The following NEMP2 variants were observed in gnomAD, a reference collection of about 807,000 sequenced individuals.
NEMP2 encodes the protein UPF0571 transmembrane protein.
Under a neutral mutation model 54.2 loss-of-function variants are expected in NEMP2, and 53 were observed. The ratio of observed to expected loss-of-function variants is 0.98; its 90% confidence interval spans 0.78 to 1.23. NEMP2 has a LOEUF of 1.23. Among genes scored for constraint, NEMP2 ranks in the 50% most tolerant of loss-of-function variants. The probability of loss-of-function intolerance (pLI) is 0.00; values close to 1 mark genes in which losing one functional copy is unlikely to be tolerated. For missense variants in NEMP2, 455 were observed against 511.3 expected (o/e 0.89, Z 1.06); for synonymous variants, 197 against 190.3 (o/e 1.04, Z -0.29).
chr2:190,452,656 C>T, the NEMP2 span, among the ~76,000 whole-genome samples: 2 of 152,210 alleles, frequency 1.3e-5, no homozygotes, highest in Non-Finnish European at 2.9e-5. Context: ...TAGTCTTCCT[C>T]ATTTCTGCTT....
chr2:190,498,206 T>C, the NEMP2 span, among the ~76,000 whole-genome samples: 4 of 152,214 alleles, frequency 2.6e-5, no homozygotes, highest in African/African-American at 9.6e-5. This position sits in a 1 kb window ranked among gnomAD's most constrained non-coding sequence, Gnocchi z 5.9. Flanking sequence ...AAGTGTGATT[T>C]TTCTTGTCCC....
chr2:190,642,140 A>G, the NEMP2 span, among the ~76,000 whole-genome samples: 2 of 152,180 alleles, frequency 1.3e-5, no homozygotes, highest in Non-Finnish European at 2.9e-5. This position sits in a 1 kb window ranked among gnomAD's most constrained non-coding sequence, Gnocchi z 4.1. Flanking sequence ...AGTCTGTAAC[A>G]CTTGTATTTT....
the NEMP2 span, among the ~76,000 whole-genome samples, chr2:190,574,079 C>T: frequency 6.6e-6 from 1 of 152,124 alleles, no homozygotes; most frequent in Non-Finnish European, 1.5e-5. Flanking sequence ...TTTTCCTTGT[C>T]TTTGGAAGTT....
chr2:190,525,790 A>G lies in NEMP2; in HGVS notation c.98-412T>C, dbSNP rs1690911905. Among the ~76,000 whole-genome samples, 1 of 152,134 alleles carries G rather than the reference A, an allele frequency of 6.6e-6. No individual in the cohort carries two copies. The highest frequency in any genetic ancestry group is 6.5e-5 in the Admixed American group (1 of 15,280). The stretch of plus-strand genomic sequence containing the variant: ...GTACAGAATCATGAAAATGAGATAA[A>G]TTATGGAATTAATTCAGTTTAGAGA... On this transcript the variant is annotated intron_variant, in intron 1 of 8. Transcript: ENST00000409150. The surrounding 1 kb of genome is among the most constrained non-coding windows in gnomAD (Gnocchi z 5.0).
the NEMP2 span, among the ~76,000 whole-genome samples, chr2:190,587,636 T>C: frequency 6.6e-6 from 1 of 152,126 alleles, no homozygotes; most frequent in East Asian, 1.9e-4. The surrounding 1 kb of genome is among the most constrained non-coding windows in gnomAD (Gnocchi z 5.4). Flanking sequence ...AGCCTATTAA[T>C]AGGATTTGGG....
At chr2:190,429,317 A>G in the NEMP2 span, among the ~76,000 whole-genome samples, 1 of 151,070 alleles carries the variant, frequency 6.6e-6, no homozygotes. Context: ...ATGGTAGCTT[A>G]TGAACAGAAA....
At chr2:190,544,352 T>C in the NEMP2 span, among the ~76,000 whole-genome samples, 1 of 152,136 alleles carries the variant, frequency 6.6e-6, no homozygotes, top group South Asian at 2.1e-4. Context: ...TGATATTGTA[T>C]AGGATTAGAA....
the NEMP2 span, among the ~76,000 whole-genome samples, chr2:190,581,672 T>C: frequency 9.8e-5 from 15 of 152,300 alleles, no homozygotes; most frequent in Admixed American, 9.8e-4. Context: ...TTTTTTCCTA[T>C]AAAAACATAG....
the NEMP2 span, among the ~76,000 whole-genome samples, chr2:190,605,020 A>G: frequency 6.6e-6 from 1 of 152,118 alleles, no homozygotes; most frequent in African/African-American, 2.4e-5. Context: ...AGTCCTACAG[A>G]TTATTTCTCA....
chr2:190,584,096 T>C, the NEMP2 span, among the ~76,000 whole-genome samples: 1 of 152,264 alleles, frequency 6.6e-6, no homozygotes, highest in East Asian at 1.9e-4. This position sits in a 1 kb window ranked among gnomAD's most constrained non-coding sequence, Gnocchi z 4.2. Flanking sequence ...GTTAAACTTG[T>C]TAAAAGTGCA....
the NEMP2 span, chr2:190,436,396 G>A: frequency 1.9e-6 from 3 of 1,614,166 alleles, no homozygotes; most frequent in East Asian, 2.2e-5. This position sits in a 1 kb window ranked among gnomAD's most constrained non-coding sequence, Gnocchi z 5.3. Context: ...CTTTTGGGGT[G>A]TAGTTGCAGA....
At chr2:190,566,824 AGT>A in the NEMP2 span, among the ~76,000 whole-genome samples, 1 of 152,152 alleles carries the variant, frequency 6.6e-6, no homozygotes, top group African/African-American at 2.4e-5. Context: ...TCCCCAAAAA[AGT>A]TAAATATACA....
At chr2:190,544,201 T>C in the NEMP2 span, among the ~76,000 whole-genome samples, 1 of 152,164 alleles carries the variant, frequency 6.6e-6, no homozygotes, top group African/African-American at 2.4e-5. Context: ...AGAATAAAAA[T>C]AGAAGTTGAT....
At chr2:190,499,856 G>A, downstream of NEMP2, 1 of 1,548,764 alleles carries the variant, frequency 6.5e-7, no homozygotes, top group Non-Finnish European at 8.7e-7. The surrounding 1 kb of genome is among the most constrained non-coding windows in gnomAD (Gnocchi z 6.0). Flanking sequence ...GGAGATGAAA[G>A]GTAAGACATT....
At chr2:190,612,422 G>C in the NEMP2 span, among the ~76,000 whole-genome samples, 2 of 152,070 alleles carry the variant, frequency 1.3e-5, 1 homozygote, top group Non-Finnish European at 2.9e-5. Flanking sequence ...CCAAAGTGCT[G>C]GGATTACAGG....
At chr2:190,562,610 A>G in the NEMP2 span, among the ~76,000 whole-genome samples, 1 of 152,216 alleles carries the variant, frequency 6.6e-6, no homozygotes. The surrounding 1 kb of genome is among the most constrained non-coding windows in gnomAD (Gnocchi z 5.0). Context: ...CAGTTAATTC[A>G]TTCTGCAAAA....
the NEMP2 span, among the ~76,000 whole-genome samples, chr2:190,644,013 G>A: frequency 6.6e-6 from 1 of 152,108 alleles, no homozygotes; most frequent in Admixed American, 6.6e-5. The surrounding 1 kb of genome is among the most constrained non-coding windows in gnomAD (Gnocchi z 4.4). Flanking sequence ...GTATTTAAAA[G>A]GTATTTTGAG....
chr2:190,584,371 G>T, the NEMP2 span, among the ~76,000 whole-genome samples: 32 of 152,254 alleles, frequency 2.1e-4, no homozygotes, highest in South Asian at 6.2e-4. This position sits in a 1 kb window ranked among gnomAD's most constrained non-coding sequence, Gnocchi z 4.2. Context: ...CTGGAACCAG[G>T]TCATGGTCAA....
chr2:190,632,987 G>A, the NEMP2 span, among the ~76,000 whole-genome samples: 9 of 152,182 alleles, frequency 5.9e-5, no homozygotes, highest in South Asian at 1.0e-3. The surrounding 1 kb of genome is among the most constrained non-coding windows in gnomAD (Gnocchi z 4.8). Flanking sequence ...ATTTAGACAC[G>A]TTGCTGCTCT....
Sources: gnomAD v4.1 joint callset for allele counts (sites outside exome capture counted in the v4.1 genomes callset) on GRCh38, gnomAD v4.1.1 for gene constraint, Gnocchi (gnomAD v3.1) non-coding constraint, MANE v1.5 for transcripts, NCBI Gene and HGNC (gene_info 2026-07-23, HGNC 2026-07-21) for gene names.